Variants in EFCAB5 observed in about 807,000 individuals in gnomAD.
The protein encoded by EFCAB5 is EF-hand calcium binding domain 5.
Under a neutral mutation model 167.9 loss-of-function variants are expected in EFCAB5, and 131 were observed. That is an observed-to-expected ratio of 0.78 (90% CI 0.68 to 0.90). The LOEUF is 0.90. Among genes scored for constraint, EFCAB5 ranks in the 40% least tolerant of loss-of-function variants. The pLI, the probability that EFCAB5 is intolerant of heterozygous loss-of-function variation, is 0.00. For missense variants in EFCAB5, 1,663 were observed against 1,745.2 expected, an observed-to-expected ratio of 0.95 and a Z score of 0.84; for synonymous variants, 574 against 602.8, an observed-to-expected ratio of 0.95 and a Z score of 0.70.
At chr17:29,984,787 C>T (rs1363162069) in intron 4 of EFCAB5, among the ~76,000 whole-genome samples, 1 of 152,158 alleles carries the variant, frequency 6.6e-6, no homozygotes, top group Admixed American at 6.5e-5. Flanking sequence ...CCAGCCCCTT[C>T]TGTACTATTA....
At chr17:29,970,679 C>T (rs1263592774) in intron 4 of EFCAB5, among the ~76,000 whole-genome samples, 4 of 146,738 alleles carry the variant, frequency 2.7e-5, no homozygotes, top group Admixed American at 6.9e-5. Flanking sequence ...TACACACACA[C>T]ACACACACAC....
At chr17:29,990,490 C>T (rs930778660) in intron 4 of EFCAB5, among the ~76,000 whole-genome samples, 5 of 152,098 alleles carry the variant, frequency 3.3e-5, no homozygotes, top group African/African-American at 9.7e-5. Context: ...TTGAATTTCC[C>T]CATTGTAATC....
At chr17:30,063,218 C>T (rs1217170632) in intron 14 of EFCAB5, among the ~76,000 whole-genome samples, 1 of 152,134 alleles carries the variant, frequency 6.6e-6, no homozygotes, top group Non-Finnish European at 1.5e-5. Flanking sequence ...TCCTTGTACT[C>T]CCTAAGGCCC....
intron 17 of EFCAB5, among the ~76,000 whole-genome samples, 168 bp downstream of exon 17, chr17:30,081,149 C>T (rs944822173): frequency 6.6e-6 from 1 of 152,200 alleles, no homozygotes; most frequent in African/African-American, 2.4e-5. Context: ...AGAAGTTCCC[C>T]ATTACTTATG....
At chr17:30,008,443 T>G (rs1416814397) in intron 7 of EFCAB5, among the ~76,000 whole-genome samples, 1 of 152,002 alleles carries the variant, frequency 6.6e-6, no homozygotes, top group Non-Finnish European at 1.5e-5. Flanking sequence ...AATACAAAAA[T>G]TAGCTGGGCA....
intron 7 of EFCAB5, among the ~76,000 whole-genome samples, chr17:30,032,515 A>C (rs564697093): frequency 6.6e-6 from 1 of 152,178 alleles, no homozygotes; most frequent in Non-Finnish European, 1.5e-5. Flanking sequence ...AAAATCTCCC[A>C]TGTAAAAGAT....
At chr17:30,074,766 C>G (rs896507852) in intron 14 of EFCAB5, 2 of 152,126 alleles carry the variant, frequency 1.3e-5, no homozygotes, top group Admixed American at 1.3e-4. Context: ...ATCCCTCATT[C>G]TTTGAGCACG....
At chr17:30,104,468 A>C (rs1479158382) in intron 22 of EFCAB5, among the ~76,000 whole-genome samples, 3 of 152,228 alleles carry the variant, frequency 2.0e-5, no homozygotes, top group Non-Finnish European at 2.9e-5. Flanking sequence ...ACTAATGTCC[A>C]TAGATAGACT....
intron 14 of EFCAB5, chr17:30,073,930 G>A: frequency 4.1e-6 from 1 of 245,724 alleles, no homozygotes; most frequent in African/African-American, 2.2e-5. Context: ...AACAAAAAAA[G>A]TCCCCACACC....
rs542400331 is a variant in EFCAB5 at position 30,048,352 on chromosome 17, A to AT, written c.1201-2766_1201-2765insT. On this transcript the variant is annotated intron_variant, in intron 8 of 22. Transcript: ENST00000394835. ...CCTGTCTGCCAGAATGTTAAAAAAAAAAATACATAATCATATAACAAAAAC... is the reference window on the plus strand; with the variant it reads ...CCTGTCTGCCAGAATGTTAAAAAAAATAAATACATAATCATATAACAAAAAC... 6.4e-3 allele frequency among the ~76,000 whole-genome samples: 973 copies of AT among 152,246 alleles called. 7 individuals are homozygous for AT. The highest frequency in any genetic ancestry group is 0.022 in the African/African-American group (931 of 41,540).
chr17:29,963,801 T>A (rs917210336), intron 3 of EFCAB5, among the ~76,000 whole-genome samples: 1 of 152,184 alleles, frequency 6.6e-6, no homozygotes, highest in South Asian at 2.1e-4. Context: ...ATGTTGGAAG[T>A]GGGCCTAGTG....
chr17:30,030,250 C>T (rs753306615), intron 7 of EFCAB5, among the ~76,000 whole-genome samples: 4 of 152,140 alleles, frequency 2.6e-5, no homozygotes, highest in African/African-American at 4.8e-5. Context: ...CTCAGAAAAC[C>T]GACAGACTAT....
At chr17:30,008,078 G>A (rs1318690128) in intron 7 of EFCAB5, among the ~76,000 whole-genome samples, 1 of 151,754 alleles carries the variant, frequency 6.6e-6, no homozygotes, top group East Asian at 1.9e-4. Context: ...GCAATCTAAT[G>A]ATTGATGGGT....
chr17:30,014,555 T>C (rs2068986321), intron 7 of EFCAB5, among the ~76,000 whole-genome samples: 2 of 152,238 alleles, frequency 1.3e-5, no homozygotes, highest in Admixed American at 1.3e-4. Flanking sequence ...CATTATATAA[T>C]GACCTTCTTT....
At chr17:30,106,865 T>C in intron 22 of EFCAB5, among the ~76,000 whole-genome samples, 1 of 152,172 alleles carries the variant, frequency 6.6e-6, no homozygotes, top group Non-Finnish European at 1.5e-5. Flanking sequence ...CACCTGAGCA[T>C]GGGAGATTGA....
At chr17:30,100,130 C>A (rs2071361450) in intron 22 of EFCAB5, among the ~76,000 whole-genome samples, 1 of 152,146 alleles carries the variant, frequency 6.6e-6, no homozygotes, top group Non-Finnish European at 1.5e-5. Flanking sequence ...CCACTTTTCT[C>A]CTGTCTGCTA....
chr17:30,038,889 T>A (rs2069693925), intron 8 of EFCAB5, among the ~76,000 whole-genome samples: 1 of 152,234 alleles, frequency 6.6e-6, no homozygotes, highest in African/African-American at 2.4e-5. Context: ...GGTGTTGGTC[T>A]CTGGTCCTTT....
chr17:30,048,465 G>A (rs929162121), intron 8 of EFCAB5, among the ~76,000 whole-genome samples: 12 of 150,470 alleles, frequency 8.0e-5, no homozygotes, highest in Admixed American at 7.3e-4. Flanking sequence ...TTCCTGTTTT[G>A]TCTATGTAGA....
At chr17:30,007,401 C>G (rs1448394426) in intron 7 of EFCAB5, among the ~76,000 whole-genome samples, 2 of 152,158 alleles carry the variant, frequency 1.3e-5, no homozygotes, top group African/African-American at 4.8e-5. Context: ...TATTCTTGTT[C>G]AGTTGGGAAT....
Sources: gnomAD v4.1 joint callset for allele counts (sites outside exome capture counted in the v4.1 genomes callset) on GRCh38, gnomAD v4.1.1 for gene constraint, MANE v1.5 for transcripts, NCBI Gene and HGNC (gene_info 2026-07-23, HGNC 2026-07-21) for gene names.